The following DOCK10 variants were observed in gnomAD, a reference collection of about 807,000 sequenced individuals.
DOCK10 encodes the protein dedicator of cytokinesis 10, also known as dedicator of cytokinesis protein 10.
Under a neutral mutation model 280.1 loss-of-function variants are expected in DOCK10, and 145 were observed. The ratio of observed to expected loss-of-function variants is 0.52; its 90% CI spans 0.45 to 0.59. DOCK10 has a LOEUF of 0.59. DOCK10 is among the 20% of genes least tolerant of loss of function. DOCK10 has a pLI of 0.00. For synonymous variants in DOCK10, 915 were observed against 942.2 expected, an observed-to-expected ratio of 0.97 and a Z score of 0.53; for missense variants, 2,368 against 2,651.7, an observed-to-expected ratio of 0.89 and a Z score of 2.35.
chr2:224,874,003 A>T lies in DOCK10; in HGVS notation c.1250T>A (p.Ile417Lys), dbSNP rs1698467112. 2.5e-6 allele frequency: 4 copies of T among 1,610,492 alleles called. No homozygotes were observed. The East Asian group carries it at 6.7e-5, about 27-fold the overall frequency. Residue 417 changes from isoleucine to lysine, a missense_variant, in exon 11 of 56, where the codon ATA becomes AAA. By Grantham distance (102) the Ile-to-Lys change is moderately radical. This residue lies in a region of DOCK10 where 1,209 missense variants were observed against 1,250.9 expected (regional missense o/e 0.97). Transcript: ENST00000258390. ...GCVTENENDP[I>K]TNIEPFFVSV... ...AACAGAGGAGAAACTTACATTCGTT[A>T]TCGGATCATTTTCATTCTCCGTAAC... is the stretch of plus-strand genomic sequence containing the variant.
chr2:224,944,257 G>A (rs1158740448), intron 1 of DOCK10, among the ~76,000 whole-genome samples: 1 of 152,174 alleles, frequency 6.6e-6, no homozygotes, highest in Non-Finnish European at 1.5e-5. Context: ...TGTCTCCTAG[G>A]TGGTTCTGTT....
At chr2:224,771,258 T>C (rs572790554) in intron 53 of DOCK10, among the ~76,000 whole-genome samples, 1 of 152,362 alleles carries the variant, frequency 6.6e-6, no homozygotes, top group South Asian at 2.1e-4. Context: ...GCTGTTTTCT[T>C]AACAGCTTTT....
At chr2:225,000,872 A>T (rs1488831073) in intron 1 of DOCK10, among the ~76,000 whole-genome samples, 14 of 152,224 alleles carry the variant, frequency 9.2e-5, no homozygotes, top group Admixed American at 9.2e-4. Context: ...GCTACTCGGG[A>T]GGCTGAGGCA....
At chr2:225,031,767 T>C (rs1690084542) in intron 1 of DOCK10, among the ~76,000 whole-genome samples, 1 of 152,186 alleles carries the variant, frequency 6.6e-6, no homozygotes, top group Non-Finnish European at 1.5e-5. Context: ...CTGGAAAGCA[T>C]GCTTTCTTAA....
At chr2:225,020,910 G>A (rs759152193) in intron 1 of DOCK10, among the ~76,000 whole-genome samples, 29 of 152,136 alleles carry the variant, frequency 1.9e-4, no homozygotes, top group Non-Finnish European at 3.2e-4. Context: ...TGTGACATAG[G>A]ATATTGTTTA....
chr2:224,958,910 C>T (rs187925092), intron 1 of DOCK10, among the ~76,000 whole-genome samples: 6 of 152,244 alleles, frequency 3.9e-5, no homozygotes, highest in East Asian at 1.9e-4. Context: ...TCCAAGGCCA[C>T]GGAAAGGTAT....
intron 1 of DOCK10, among the ~76,000 whole-genome samples, chr2:224,964,622 G>A (rs1318219369): frequency 6.6e-6 from 1 of 151,860 alleles, no homozygotes; most frequent in Non-Finnish European, 1.5e-5. Context: ...GGCCCACCTT[G>A]GCCTTCCAAA....
intron 3 of DOCK10, among the ~76,000 whole-genome samples, chr2:224,904,148 A>C (rs965282657): frequency 7.2e-5 from 11 of 152,210 alleles, no homozygotes; most frequent in African/African-American, 2.7e-4. Flanking sequence ...AATGTAAGAC[A>C]ACAGATTTTA....
Position 225,042,200 on chromosome 2 carries a change from C to A in DOCK10, c.123+52G>T. On this transcript the variant is annotated intron_variant, in intron 1 of 55. Transcript: ENST00000258390. This position sits in a 1 kb window ranked among gnomAD's most constrained non-coding sequence, Gnocchi z 5.1. ...CTTTTGGGGAAGCTGGGCTCCGTTCCCCCCGGGCGCCTGGGGCGCGCGGGA... is the reference window on the plus strand; with the variant it reads ...CTTTTGGGGAAGCTGGGCTCCGTTCACCCCGGGCGCCTGGGGCGCGCGGGA... 3 of 1,228,472 alleles carry A rather than the reference C, an allele frequency of 2.4e-6. No homozygotes were observed. Among genetic ancestry groups the A allele is most frequent in the Non-Finnish European group, 2.0e-6 (2 of 985,596 alleles). The allele number at this position is 1,228,472 out of a possible 1,614,324, so 76.1% of individuals were successfully genotyped here. A position where few individuals can be genotyped will look rare whatever the true frequency, so the allele number is the denominator to read the frequency against.
In DOCK10 at chr2:224,823,176, C is replaced by T. The variant is rs557933956; in HGVS notation, c.3183+325G>A. 4.0e-4 allele frequency among the ~76,000 whole-genome samples: 60 copies of T among 151,858 alleles called. 2 individuals carry two copies. The South Asian group carries it at 9.4e-3, about 24-fold the overall frequency. ...CTAATTTTTGTATTTTTAGTAGACA[C>T]GGGGTTTCACCATGTTGGCCAGGAT... On this transcript the variant is annotated intron_variant, in intron 28 of 55. Coordinates refer to ENST00000258390, the MANE Select transcript of DOCK10 (RefSeq NM_014689.3).
At chr2:224,985,903 A>G (rs1216596822) in intron 1 of DOCK10, among the ~76,000 whole-genome samples, 1 of 152,252 alleles carries the variant, frequency 6.6e-6, no homozygotes, top group African/African-American at 2.4e-5. Context: ...GGAAATACAC[A>G]TTTAATTTAA....
chr2:224,871,594 C>T (rs1335023431), intron 11 of DOCK10, among the ~76,000 whole-genome samples: 1 of 152,188 alleles, frequency 6.6e-6, no homozygotes, highest in African/African-American at 2.4e-5. Flanking sequence ...ATCTCTGTTT[C>T]TTCTACATCA....
At chr2:224,980,951 T>G (rs1304347168) in intron 1 of DOCK10, among the ~76,000 whole-genome samples, 3 of 152,170 alleles carry the variant, frequency 2.0e-5, no homozygotes, top group Admixed American at 1.3e-4. Flanking sequence ...ATAAGGTTTT[T>G]TTTTGCAAAT....
At chr2:224,950,958 G>A (rs1396161766) in intron 1 of DOCK10, among the ~76,000 whole-genome samples, 2 of 152,216 alleles carry the variant, frequency 1.3e-5, no homozygotes. Context: ...GGACAGGTGA[G>A]GTTAAGGAAG....
chr2:224,999,197 T>C (rs1706355551), intron 1 of DOCK10, among the ~76,000 whole-genome samples: 1 of 151,940 alleles, frequency 6.6e-6, no homozygotes, highest in African/African-American at 2.4e-5. Context: ...AAAGATATCA[T>C]TTATAGTATT....
At chr2:224,971,968 A>C (rs1161276162) in intron 1 of DOCK10, among the ~76,000 whole-genome samples, 1 of 152,212 alleles carries the variant, frequency 6.6e-6, no homozygotes, top group East Asian at 1.9e-4. Context: ...AAACTAACTT[A>C]ATATGCTTTT....
At chr2:224,806,969 A>C (rs934231597) in intron 33 of DOCK10, among the ~76,000 whole-genome samples, 1 of 152,134 alleles carries the variant, frequency 6.6e-6, no homozygotes, top group African/African-American at 2.4e-5. Context: ...GTTTTCTAGT[A>C]CACAATTTAA....
At chr2:224,904,737 A>G (rs1700489466) in intron 3 of DOCK10, among the ~76,000 whole-genome samples, 1 of 152,216 alleles carries the variant, frequency 6.6e-6, no homozygotes, top group African/African-American at 2.4e-5. Context: ...TGAGATTCAA[A>G]AATTAGTATG....
chr2:225,039,985 A>T (rs1030177467), intron 1 of DOCK10, among the ~76,000 whole-genome samples: 1 of 152,174 alleles, frequency 6.6e-6, no homozygotes, highest in Non-Finnish European at 1.5e-5. Context: ...ATGAGTCTGT[A>T]CTGAAGTCGG....
Sources: allele counts gnomAD v4.1 joint callset (sites outside exome capture counted in the v4.1 genomes callset), GRCh38; gene constraint gnomAD v4.1.1; regional missense constraint gnomAD v4.1.1; non-coding constraint Gnocchi (gnomAD v3.1); transcripts MANE v1.5; gene names NCBI Gene and HGNC (gene_info 2026-07-23, HGNC 2026-07-21).